The following HEMK2 variants were observed in gnomAD, a reference collection of about 807,000 sequenced individuals.
The protein encoded by HEMK2 is methyltransferase HEMK2.
the HEMK2 span, among the ~76,000 whole-genome samples, chr21:28,676,939 G>A: frequency 3.3e-5 from 5 of 152,292 alleles, no homozygotes; most frequent in East Asian, 5.8e-4. Context: ...GGCCGAATAG[G>A]AACAGCTCCA....
the HEMK2 span, among the ~76,000 whole-genome samples, chr21:28,733,548 C>T: frequency 6.6e-6 from 1 of 152,104 alleles, no homozygotes; most frequent in Admixed American, 6.5e-5. Context: ...TACAGTTGAA[C>T]CTGAACATGT....
chr21:28,599,789 G>A, the HEMK2 span, among the ~76,000 whole-genome samples: 7 of 152,274 alleles, frequency 4.6e-5, no homozygotes, highest in Non-Finnish European at 8.8e-5. Flanking sequence ...ATACAATGGG[G>A]GTACAGGCAT....
At chr21:28,787,947 G>A in the HEMK2 span, among the ~76,000 whole-genome samples, 1 of 151,572 alleles carries the variant, frequency 6.6e-6, no homozygotes, top group East Asian at 1.9e-4. Context: ...TCCAAAATCA[G>A]GGAACCAACC....
At chr21:28,801,143 G>A in the HEMK2 span, among the ~76,000 whole-genome samples, 1 of 152,182 alleles carries the variant, frequency 6.6e-6, no homozygotes, top group Non-Finnish European at 1.5e-5. Flanking sequence ...GAGTACATGA[G>A]GTATCCTCTA....
the HEMK2 span, among the ~76,000 whole-genome samples, chr21:28,700,707 T>C: frequency 6.6e-6 from 1 of 152,186 alleles, no homozygotes; most frequent in Admixed American, 6.5e-5. Context: ...AGCCAAATTC[T>C]ACCAGATGCA....
chr21:28,784,299 CT>C, the HEMK2 span, among the ~76,000 whole-genome samples: 1 of 152,224 alleles, frequency 6.6e-6, no homozygotes, highest in African/African-American at 2.4e-5. Context: ...CTGTGTCTAG[CT>C]CAAGGTTTGT....
At chr21:28,882,306 C>T in the HEMK2 span, 5,167 of 1,302,802 alleles carry the variant, frequency 4.0e-3, 114 homozygotes, top group East Asian at 0.056. Context: ...AAATCTGTTA[C>T]TGAGTAATAT....
At chr21:28,679,702 C>G in the HEMK2 span, among the ~76,000 whole-genome samples, 6 of 152,208 alleles carry the variant, frequency 3.9e-5, no homozygotes, top group South Asian at 1.2e-3. Flanking sequence ...CAAACTGTCT[C>G]TCAGACCACA....
the HEMK2 span, among the ~76,000 whole-genome samples, chr21:28,820,964 G>A: frequency 6.6e-6 from 1 of 152,180 alleles, no homozygotes; most frequent in Non-Finnish European, 1.5e-5. Flanking sequence ...AGTTGTCTGA[G>A]CATTCTCCCC....
the HEMK2 span, among the ~76,000 whole-genome samples, chr21:28,871,105 T>C: frequency 6.6e-6 from 1 of 152,250 alleles, no homozygotes; most frequent in African/African-American, 2.4e-5. Context: ...TTCTTTATTT[T>C]ACATAGTATG....
the HEMK2 span, among the ~76,000 whole-genome samples, chr21:28,751,782 C>T: frequency 8.5e-5 from 13 of 152,162 alleles, no homozygotes; most frequent in South Asian, 2.1e-4. Flanking sequence ...TGGGTTCAAA[C>T]GATTCTCCTG....
chr21:28,601,447 T>C, the HEMK2 span, among the ~76,000 whole-genome samples: 2 of 152,236 alleles, frequency 1.3e-5, no homozygotes, highest in Non-Finnish European at 2.9e-5. Flanking sequence ...CTTCAGCTTC[T>C]TAGAGTTTTT....
the HEMK2 span, chr21:28,885,154 C>T: frequency 1.3e-6 from 2 of 1,482,208 alleles, no homozygotes; most frequent in South Asian, 1.3e-5. Context: ...CCCTCCTCCA[C>T]CGCACTTCTT....
chr21:28,876,800 T>C, the HEMK2 span, among the ~76,000 whole-genome samples: 8 of 152,060 alleles, frequency 5.3e-5, no homozygotes, highest in Admixed American at 1.3e-4. Context: ...TTTTAGTTGA[T>C]TGGCTCCAAT....
the HEMK2 span, among the ~76,000 whole-genome samples, chr21:28,624,606 A>T: frequency 1.7e-3 from 258 of 152,296 alleles, 2 homozygotes; most frequent in African/African-American, 5.8e-3. Flanking sequence ...TCTGTTTTGT[A>T]TCAGGCTCAA....
chr21:28,708,688 G>A, the HEMK2 span, among the ~76,000 whole-genome samples: 1 of 152,158 alleles, frequency 6.6e-6, no homozygotes, highest in East Asian at 1.9e-4. Context: ...AAAAAAGGGT[G>A]TTAAAAGTAA....
At chr21:28,730,884 T>G in the HEMK2 span, among the ~76,000 whole-genome samples, 1 of 151,924 alleles carries the variant, frequency 6.6e-6, no homozygotes, top group African/African-American at 2.4e-5. Context: ...TGTGTGAATA[T>G]TATAGGGGCC....
chr21:28,662,290 T>C, the HEMK2 span, among the ~76,000 whole-genome samples: 1 of 152,162 alleles, frequency 6.6e-6, no homozygotes, highest in East Asian at 1.9e-4. Flanking sequence ...GGAATGTTGC[T>C]GATGCCCCAC....
the HEMK2 span, among the ~76,000 whole-genome samples, chr21:28,709,503 T>C: frequency 0.019 from 2,873 of 152,308 alleles, 94 homozygotes; most frequent in African/African-American, 0.064. Flanking sequence ...CCAAGTCTAC[T>C]GTTAAGAAAA....
Sources: allele counts gnomAD v4.1 joint callset (sites outside exome capture counted in the v4.1 genomes callset), GRCh38; gene constraint gnomAD v4.1.1; transcripts MANE v1.5; gene names NCBI Gene and HGNC (gene_info 2026-07-23, HGNC 2026-07-21).